BRINP1: variants seen among roughly 807,000 people sequenced by gnomAD.
BRINP1 encodes the protein BMP/retinoic acid inducible neural specific 1, also known as BMP/retinoic acid-inducible neural-specific protein 1.
A neutral mutation model predicts 72.9 loss-of-function variants in BRINP1; 17 were observed. The ratio of observed to expected loss-of-function variants is 0.23; its 90% CI spans 0.16 to 0.35. BRINP1 has a LOEUF of 0.35. Among genes scored for constraint, BRINP1 ranks in the 10% least tolerant of loss-of-function variants. BRINP1 has a pLI of 1.00. For missense variants in BRINP1, 850 were observed against 1,001.6 expected (o/e 0.85, Z 2.04); for synonymous variants, 418 against 378.5 (o/e 1.10, Z -1.21).
intron 5 of BRINP1, among the ~76,000 whole-genome samples, chr9:119,217,207 AACCAT>A (rs1829987428): frequency 6.6e-6 from 1 of 152,070 alleles, no homozygotes; most frequent in South Asian, 2.1e-4. Flanking sequence ...CTTCAATGGG[AACCAT>A]AAATAATTTG....
intron 1 of BRINP1, among the ~76,000 whole-genome samples, chr9:119,363,771 T>A (rs1275135129): frequency 6.6e-6 from 1 of 152,096 alleles, no homozygotes; most frequent in African/African-American, 2.4e-5. Flanking sequence ...GCTATGTAAA[T>A]TAAAATAAAA....
At chr9:119,349,054 A>C (rs531165611) in intron 1 of BRINP1, among the ~76,000 whole-genome samples, 6 of 152,294 alleles carry the variant, frequency 3.9e-5, no homozygotes, top group African/African-American at 1.4e-4. Flanking sequence ...ATGGCAAAGA[A>C]AAGACTTGAA....
At chr9:119,232,819 G>T (rs1463416065) in intron 5 of BRINP1, among the ~76,000 whole-genome samples, 1 of 151,794 alleles carries the variant, frequency 6.6e-6, no homozygotes, top group African/African-American at 2.4e-5. Flanking sequence ...TCGCCATATG[G>T]ATACTAGATT....
chr9:119,343,152 A>G (rs10818299), intron 1 of BRINP1, among the ~76,000 whole-genome samples: 39,489 of 152,086 alleles, frequency 0.26, 6,200 homozygotes, highest in Non-Finnish European at 0.35. Context: ...GCAGAATGGT[A>G]CTTTGGCTGC....
intron 2 of BRINP1, among the ~76,000 whole-genome samples, chr9:119,280,592 G>A (rs1054311022): frequency 3.3e-5 from 5 of 152,040 alleles, no homozygotes; most frequent in Non-Finnish European, 7.4e-5. Flanking sequence ...CAATTGAGAT[G>A]CAGCAATAAT....
intron 5 of BRINP1, among the ~76,000 whole-genome samples, chr9:119,223,898 T>C (rs1830065472): frequency 6.6e-6 from 1 of 152,070 alleles, no homozygotes; most frequent in Non-Finnish European, 1.5e-5. Flanking sequence ...GCTAAAAGAC[T>C]TGGCCACTAA....
At chr9:119,233,956 T>C (rs1463484808) in intron 5 of BRINP1, among the ~76,000 whole-genome samples, 1 of 152,218 alleles carries the variant, frequency 6.6e-6, no homozygotes, top group East Asian at 1.9e-4. Context: ...TTCTTCCATA[T>C]TGTTGTATGA....
chr9:119,262,521 C>T lies in BRINP1; in HGVS notation c.219-13371G>A, dbSNP rs187545126. On this transcript the variant is annotated intron_variant, in intron 2 of 7. Coordinates refer to ENST00000265922, the MANE Select transcript of BRINP1 (RefSeq NM_014618.3). ...AATTGCCGGGCGCGGTGGTGGATGC[C>T]TGTAATCCCAGCTACTCAGGAGGCT... 2.1e-3 allele frequency among the ~76,000 whole-genome samples: 323 copies of T among 151,768 alleles called. 1 individual carries two copies. Among genetic ancestry groups the T allele is most frequent in the Middle Eastern group, 0.01 (3 of 294 alleles).
chr9:119,363,225 A>G lies in BRINP1; in HGVS notation c.-51+5831T>C, dbSNP rs181387177. Among the ~76,000 whole-genome samples the G allele has an allele frequency of 2.2e-3, 332 of 152,272 alleles. 1 individual carries two copies. Among genetic ancestry groups the G allele is most frequent in the Non-Finnish European group, 3.1e-3 (210 of 68,016 alleles). On this transcript the variant is annotated intron_variant, in intron 1 of 7. Coordinates refer to ENST00000265922, the MANE Select transcript of BRINP1 (RefSeq NM_014618.3). The stretch of plus-strand genomic sequence containing the variant: ...TCAAGTGATTCTCCAACCTCGGCCT[A>G]CGGAGCAGCTGGGACTACAGGTGCC...
intron 7 of BRINP1, among the ~76,000 whole-genome samples, chr9:119,189,779 A>C (rs1829663890): frequency 6.6e-6 from 1 of 152,056 alleles, no homozygotes; most frequent in African/African-American, 2.4e-5. Flanking sequence ...CAGAAAAATA[A>C]CCAAAATATA....
chr9:119,176,893 A>G (rs928729133), intron 7 of BRINP1, among the ~76,000 whole-genome samples: 4 of 152,292 alleles, frequency 2.6e-5, no homozygotes, highest in Non-Finnish European at 4.4e-5. Context: ...AAATGGCGGA[A>G]TAATTAGTGG....
chr9:119,332,221 G>C (rs1012388708), intron 1 of BRINP1, among the ~76,000 whole-genome samples: 2 of 152,016 alleles, frequency 1.3e-5, no homozygotes, highest in Non-Finnish European at 2.9e-5. Context: ...CTAGATTCAG[G>C]AACTCTGTAT....
At chr9:119,241,886 C>T (rs1000827726) in intron 4 of BRINP1, among the ~76,000 whole-genome samples, 161 bp downstream of exon 4, 7 of 152,176 alleles carry the variant, frequency 4.6e-5, no homozygotes, top group Admixed American at 3.9e-4. Context: ...ATATTAATTA[C>T]AGGGTATGTG....
intron 7 of BRINP1, among the ~76,000 whole-genome samples, chr9:119,197,675 C>T (rs1442027294): frequency 1.4e-5 from 2 of 142,546 alleles, no homozygotes; most frequent in East Asian, 2.1e-4. Context: ...GCTGATGGAG[C>T]ACTGAACACT....
intron 1 of BRINP1, among the ~76,000 whole-genome samples, chr9:119,346,598 A>G (rs1396225470): frequency 6.6e-6 from 1 of 152,194 alleles, no homozygotes; most frequent in Non-Finnish European, 1.5e-5. Flanking sequence ...CCAAAGGTGG[A>G]TGACACAGAA....
rs1348498101 is a variant in BRINP1, at chr9:119,166,810, G to C, written c.*274C>G. 3 of 372,612 alleles carry C rather than the reference G, an allele frequency of 8.1e-6. No individual in the cohort carries two copies. Among genetic ancestry groups the C allele is most frequent in the Non-Finnish European group, 1.5e-5 (3 of 205,096 alleles). The allele number at this position is 372,612 out of a possible 1,614,324, so 23.1% of individuals were successfully genotyped here. ...GCTTTCTCCCTTCTCCCCCAATACA[G>C]CACCTGAGGCCTAAGAAGCAACTCC... is the stretch of plus-strand genomic sequence containing the variant. On this transcript the variant is annotated 3_prime_UTR_variant, in exon 8 of 8. Coordinates refer to ENST00000265922, the MANE Select transcript of BRINP1 (RefSeq NM_014618.3).
At chr9:119,367,870 A>C (rs1587975974) in intron 1 of BRINP1, among the ~76,000 whole-genome samples, 1 of 150,192 alleles carries the variant, frequency 6.7e-6, no homozygotes, top group African/African-American at 2.5e-5. Flanking sequence ...CTCCCTCTCC[A>C]CCTCTCTGCC....
At chr9:119,284,157 A>G (rs1830738371) in intron 2 of BRINP1, among the ~76,000 whole-genome samples, 2 of 152,200 alleles carry the variant, frequency 1.3e-5, no homozygotes, top group Non-Finnish European at 2.9e-5. Context: ...TCCTTTCTGC[A>G]TCGCTTTCTT....
chr9:119,193,718 A>C (rs1829705159), intron 7 of BRINP1, among the ~76,000 whole-genome samples: 1 of 152,216 alleles, frequency 6.6e-6, no homozygotes, highest in African/African-American at 2.4e-5. Context: ...AAAAAAATTA[A>C]TGTTTTACAC....
Sources: gnomAD v4.1 joint callset for allele counts (sites outside exome capture counted in the v4.1 genomes callset) on GRCh38, gnomAD v4.1.1 for gene constraint, MANE v1.5 for transcripts, NCBI Gene and HGNC (gene_info 2026-07-23, HGNC 2026-07-21) for gene names.